ZNF519: variants seen among roughly 807,000 people sequenced by gnomAD.
ZNF519 encodes the protein zinc finger protein 519, also known as similar to Zinc finger protein 85 (Zinc finger protein HPF4) (HTF1).
ZNF519 carries 7 observed loss-of-function variants against 7.4 expected under a neutral mutation model. That is an observed-to-expected ratio of 0.94 (90% CI 0.54 to 1.77). The LOEUF (loss-of-function observed/expected upper bound fraction) is 1.77, where lower values mean the gene tolerates loss of function less well. Among genes scored for constraint, ZNF519 ranks in the 40% most tolerant of loss-of-function variants. ZNF519 has a pLI of 0.00. For synonymous variants in ZNF519, 179 were observed against 203.3 expected, an observed-to-expected ratio of 0.88 and a Z score of 1.02; for missense variants, 586 against 623.1, an observed-to-expected ratio of 0.94 and a Z score of 0.63.
intron 1 of ZNF519, among the ~76,000 whole-genome samples, chr18:14,130,587 C>T (rs141820721): frequency 6.6e-6 from 1 of 152,064 alleles, no homozygotes; most frequent in Non-Finnish European, 1.5e-5. Context: ...GACTTTCTAT[C>T]ACCCCCATAC....
chr18:14,082,890 G>A (rs1414801347), intron 3 of ZNF519: 1 of 152,124 alleles, frequency 6.6e-6, no homozygotes, highest in Non-Finnish European at 1.5e-5. Context: ...GTCACACTAT[G>A]TTGCCCAGGA....
intron 2 of ZNF519, among the ~76,000 whole-genome samples, chr18:14,117,213 G>T (rs1417811703): frequency 1.3e-5 from 2 of 152,116 alleles, no homozygotes; most frequent in Non-Finnish European, 2.9e-5. Context: ...TTAACACCCA[G>T]AATATATAAA....
chr18:14,089,602 G>C (rs943496524), intron 2 of ZNF519, among the ~76,000 whole-genome samples: 1 of 152,218 alleles, frequency 6.6e-6, no homozygotes, highest in Middle Eastern at 3.4e-3. Flanking sequence ...GCATATGGTG[G>C]GGTGAGTGGA....
intron 1 of ZNF519, among the ~76,000 whole-genome samples, chr18:14,126,453 C>A (rs1386837854): frequency 6.6e-6 from 1 of 152,102 alleles, no homozygotes; most frequent in Non-Finnish European, 1.5e-5. Flanking sequence ...ATGAATAGAC[C>A]TTCAGTTGGT....
chr18:14,088,396 T>C (rs1477173883), intron 2 of ZNF519, among the ~76,000 whole-genome samples: 3 of 152,202 alleles, frequency 2.0e-5, no homozygotes, highest in Non-Finnish European at 4.4e-5. Context: ...TCTGGTTTTC[T>C]TGCTGAAGAG....
At chr18:14,118,995 A>G (rs1567953280) in intron 2 of ZNF519, among the ~76,000 whole-genome samples, 1 of 151,962 alleles carries the variant, frequency 6.6e-6, no homozygotes, top group Non-Finnish European at 1.5e-5. Context: ...AAATTTCAAA[A>G]CCCTACCCTA....
intron 2 of ZNF519, among the ~76,000 whole-genome samples, chr18:14,120,920 T>C (rs2143158373): frequency 6.6e-6 from 1 of 152,250 alleles, no homozygotes; most frequent in Non-Finnish European, 1.5e-5. Flanking sequence ...TCAGCCCCCA[T>C]GTTCGTTGTA....
At chr18:14,116,634 C>T (rs1462069105) in intron 2 of ZNF519, among the ~76,000 whole-genome samples, 1 of 152,090 alleles carries the variant, frequency 6.6e-6, no homozygotes, top group Non-Finnish European at 1.5e-5. Flanking sequence ...TGGATCCTTC[C>T]CCTAAACCAT....
intron 2 of ZNF519, among the ~76,000 whole-genome samples, chr18:14,119,159 C>T (rs2046259455): frequency 6.6e-6 from 1 of 152,158 alleles, no homozygotes; most frequent in South Asian, 2.1e-4. Flanking sequence ...AAGGCAGACC[C>T]CACAGTGACC....
chr18:14,100,268 A>C lies in ZNF519; in HGVS notation c.*4649T>G, dbSNP rs1294530116. 1 of 152,214 alleles carries C rather than the reference A, an allele frequency of 6.6e-6. No individual in the cohort carries two copies. The highest frequency in any genetic ancestry group is 1.5e-5 in the Non-Finnish European group (1 of 68,036). 9.4% of individuals were successfully genotyped at this position (152,214 alleles called of 1,614,324 possible). A position where few individuals can be genotyped will look rare whatever the true frequency, so the allele number is the denominator to read the frequency against. ...GGATAACAGAGTGCTAGTTTCTATT[A>C]AAATTAAACTTGTAACTACCCTATG... On this transcript the variant is annotated 3_prime_UTR_variant, in exon 3 of 3. Transcript: ENST00000590202.
intron 1 of ZNF519, among the ~76,000 whole-genome samples, chr18:14,128,985 C>A (rs1409089901): frequency 6.6e-6 from 1 of 152,082 alleles, no homozygotes; most frequent in East Asian, 1.9e-4. Context: ...CTTGGGCACA[C>A]TGTGTACACA....
chr18:14,101,850 T>G lies in ZNF519; in HGVS notation c.*3067A>C. 2.5e-6 allele frequency: 1 copy of G among 397,824 alleles called. No individual in the cohort carries two copies. The highest frequency in any genetic ancestry group is 4.4e-6 in the Non-Finnish European group (1 of 225,850). The allele number at this position is 397,824 out of a possible 1,614,324, so 24.6% of individuals were successfully genotyped here. On this transcript the variant is annotated 3_prime_UTR_variant, in exon 3 of 3. Transcript: ENST00000590202. Reference sequence around the variant, plus strand: ...CTGACCTGGCCTCTTCTGTCGAGTCTTTCCATTCCCCAAATCAGGCACAGA... The same window carrying G: ...CTGACCTGGCCTCTTCTGTCGAGTCGTTCCATTCCCCAAATCAGGCACAGA...
At chr18:14,126,015 A>G (rs2046297617) in intron 1 of ZNF519, among the ~76,000 whole-genome samples, 1 of 152,114 alleles carries the variant, frequency 6.6e-6, no homozygotes, top group African/African-American at 2.4e-5. Flanking sequence ...TTAAGGCCCC[A>G]AAGTATATAG....
At chr18:14,092,224 A>C (rs533459448) in intron 2 of ZNF519, among the ~76,000 whole-genome samples, 1 of 152,024 alleles carries the variant, frequency 6.6e-6, no homozygotes, top group East Asian at 1.9e-4. Flanking sequence ...GGGTGCAAAG[A>C]AGAGGGGAGT....
chr18:14,078,182 C>T (rs141647772), intron 4 of ZNF519: 5 of 152,318 alleles, frequency 3.3e-5, no homozygotes, highest in African/African-American at 1.2e-4. Flanking sequence ...CAGCAATGCT[C>T]GCTCTCCAAC....
At chr18:14,099,163 C>G (rs1280017948), downstream of ZNF519, among the ~76,000 whole-genome samples, 1 of 151,936 alleles carries the variant, frequency 6.6e-6, no homozygotes, top group Non-Finnish European at 1.5e-5. Flanking sequence ...ACCAACCTAG[C>G]CTCCCTGCTA....
At chr18:14,108,355 G>A (rs547206925) in intron 2 of ZNF519, among the ~76,000 whole-genome samples, 3 of 152,196 alleles carry the variant, frequency 2.0e-5, no homozygotes, top group Non-Finnish European at 4.4e-5. Flanking sequence ...CTTTGAGAAT[G>A]ATTCCTTTTA....
At chr18:14,106,656 G>A (rs1162020122) in intron 2 of ZNF519, among the ~76,000 whole-genome samples, 1 of 152,042 alleles carries the variant, frequency 6.6e-6, no homozygotes, top group African/African-American at 2.4e-5. Context: ...GAATAAAGGT[G>A]AGCACTCACA....
At chr18:14,086,548 C>T (rs2046091170) in intron 2 of ZNF519, among the ~76,000 whole-genome samples, 1 of 152,192 alleles carries the variant, frequency 6.6e-6, no homozygotes, top group Non-Finnish European at 1.5e-5. Context: ...GCACATGTGG[C>T]CTTGCAGCCC....
Sources: gnomAD v4.1 joint callset for allele counts (sites outside exome capture counted in the v4.1 genomes callset) on GRCh38, gnomAD v4.1.1 for gene constraint, MANE v1.5 for transcripts, NCBI Gene and HGNC (gene_info 2026-07-23, HGNC 2026-07-21) for gene names.